Variants in RSBN1L observed in about 807,000 individuals in gnomAD.
The protein encoded by RSBN1L is round spermatid basic protein 1 like, also known as lysine-specific demethylase RSBN1L.
In RSBN1L, 30 loss-of-function variants were observed where a neutral mutation model predicts 67.7. The observed-to-expected ratio is 0.44, with a 90% CI of 0.33 to 0.60. RSBN1L has a LOEUF of 0.60. Ranked by LOEUF, RSBN1L falls within the 20% of genes least tolerant of loss-of-function variation. The pLI, the probability that RSBN1L is intolerant of heterozygous loss-of-function variation, is 0.02. For missense variants in RSBN1L, 992 were observed against 1,031.7 expected, an observed-to-expected ratio of 0.96 and a Z score of 0.53; for synonymous variants, 433 against 387.0, an observed-to-expected ratio of 1.12 and a Z score of -1.39.
rs1791277977 is a variant in RSBN1L, at chr7:77,731,996, C to T, written c.587-4414C>T. On this transcript the variant is annotated intron_variant, in intron 1 of 7. Coordinates refer to ENST00000334955, the MANE Select transcript of RSBN1L (RefSeq NM_198467.3). The stretch of plus-strand genomic sequence containing the variant: ...ATTGATCTGTTTGTGTATTCTTTTG[C>T]CTATAATACATTGTCATGATTTCTC... 2.0e-5 allele frequency among the ~76,000 whole-genome samples: 3 copies of T among 152,000 alleles called. 1 individual carries two copies. In the South Asian group the frequency reaches 6.2e-4, roughly 32 times the overall value.
At chr7:77,719,330 TACA>T (rs1177338425) in intron 1 of RSBN1L, among the ~76,000 whole-genome samples, 1 of 152,344 alleles carries the variant, frequency 6.6e-6, no homozygotes, top group East Asian at 1.9e-4. Context: ...ATATAACAAG[TACA>T]ACGAGAGTCT....
intron 1 of RSBN1L, among the ~76,000 whole-genome samples, chr7:77,715,455 C>T (rs1791034904): frequency 6.6e-6 from 1 of 151,994 alleles, no homozygotes; most frequent in Non-Finnish European, 1.5e-5. Context: ...CAGATGCCCG[C>T]CACCACACTC....
chr7:77,779,647 G>A lies in RSBN1L; in HGVS notation c.*479G>A, dbSNP rs539012258. The A allele has an allele frequency of 7.9e-5, 12 of 151,796 alleles. No individual in the cohort carries two copies. In the South Asian group the frequency reaches 2.5e-3, roughly 32 times the overall value. 9.4% of individuals were successfully genotyped at this position (151,796 alleles called of 1,614,324 possible). A position where few individuals can be genotyped will look rare whatever the true frequency, so the allele number is the denominator to read the frequency against. ...TGAGCCACTTAATAAAGGTTCATAT[G>A]TTCATATTAATAAATATGTTTTCTG... On this transcript the variant is annotated 3_prime_UTR_variant, in exon 8 of 8. Transcript: ENST00000334955.
Position 77,765,557 on chromosome 7 carries a change from G to A in RSBN1L, c.1407G>A (p.Val469=). 2 of 1,611,230 alleles carry A rather than the reference G, an allele frequency of 1.2e-6. No individual in the cohort carries two copies. The highest frequency in any genetic ancestry group is 4.5e-5 in the East Asian group (2 of 44,862). The stretch of plus-strand genomic sequence containing the variant: ...GCCCAATGAGACAAATAAGCTTGGT[G>A]GGAGCAGTTGATGAAGAAGTAGGAG... The part of the protein sequence containing the change: ...RAGPMRQISL[V]GAVDEEVGDY... Residue 469 remains valine (V), a synonymous_variant, in exon 4 of 8, where the codon GTG becomes GTA. Transcript: ENST00000334955.
At chr7:77,776,994 T>G (rs1267948778) in intron 6 of RSBN1L, among the ~76,000 whole-genome samples, 2 of 151,932 alleles carry the variant, frequency 1.3e-5, no homozygotes, top group African/African-American at 4.8e-5. Context: ...TCCCCTTTTC[T>G]TGTCATTTTT....
chr7:77,705,864 A>T (rs2150411998), intron 1 of RSBN1L, among the ~76,000 whole-genome samples: 1 of 152,010 alleles, frequency 6.6e-6, no homozygotes, highest in Admixed American at 6.6e-5. Context: ...CTTTGTGAAT[A>T]TCCAATTCCC....
chr7:77,773,645 C>T (rs1205109140), intron 6 of RSBN1L, among the ~76,000 whole-genome samples: 1 of 152,110 alleles, frequency 6.6e-6, no homozygotes, highest in East Asian at 1.9e-4. Flanking sequence ...CGCCTGTAGT[C>T]CTAGCTATTC....
rs920261749 is a variant in RSBN1L at position 77,780,860 on chromosome 7, C to A, written c.*1692C>A. 28 of 152,320 alleles carry A rather than the reference C, an allele frequency of 1.8e-4. No homozygotes were observed. Among genetic ancestry groups the A allele is most frequent in the African/African-American group, 6.0e-4 (25 of 41,570 alleles). The allele number at this position is 152,320 out of a possible 1,614,324, so 9.4% of individuals were successfully genotyped here. On this transcript the variant is annotated 3_prime_UTR_variant, in exon 8 of 8. Transcript: ENST00000334955. ...GACTCACTATTTGACACTGCTTCTA[C>A]TATTGTAATTAAAAATCAGAAGTCT... is the stretch of plus-strand genomic sequence containing the variant.
At chr7:77,758,021 AGAGT>A in intron 3 of RSBN1L, among the ~76,000 whole-genome samples, 1 of 152,182 alleles carries the variant, frequency 6.6e-6, no homozygotes, top group Admixed American at 6.5e-5. Context: ...CCTGGACGAC[AGAGT>A]GAGACTCCAT....
rs185168444 is a variant in RSBN1L, at chr7:77,781,027, C to A, written c.*1859C>A. 4 of 152,286 alleles carry A rather than the reference C, an allele frequency of 2.6e-5. No homozygotes were observed. The highest frequency in any genetic ancestry group is 9.6e-5 in the African/African-American group (4 of 41,552). The allele number at this position is 152,286 out of a possible 1,614,324, so 9.4% of individuals were successfully genotyped here. A position where few individuals can be genotyped will look rare whatever the true frequency, so the allele number is the denominator to read the frequency against. On this transcript the variant is annotated 3_prime_UTR_variant, in exon 8 of 8. Transcript: ENST00000334955. ...GCCTTTTGGGTTACTGTTGGTATTT[C>A]CATTTCTGGCTTAATTTATGGTAAC...
At chr7:77,729,961 C>G (rs1791253386) in intron 1 of RSBN1L, among the ~76,000 whole-genome samples, 1 of 152,106 alleles carries the variant, frequency 6.6e-6, no homozygotes, top group Non-Finnish European at 1.5e-5. Flanking sequence ...CTCAAAAAAA[C>G]AATTATTTTA....
chr7:77,709,271 A>G (rs1188985660), intron 1 of RSBN1L, among the ~76,000 whole-genome samples: 1 of 151,888 alleles, frequency 6.6e-6, no homozygotes, highest in Non-Finnish European at 1.5e-5. Context: ...TTACAGTGGC[A>G]GATAGCAGTA....
intron 4 of RSBN1L, 136 bp downstream of exon 4, chr7:77,765,768 A>G: frequency 1.5e-6 from 1 of 661,294 alleles, no homozygotes; most frequent in South Asian, 3.0e-5. Context: ...AGAAATAGAA[A>G]CGTTTTGGTT....
At position 77,696,702 on chromosome 7, in the gene RSBN1L, A is replaced by C. The variant is rs755086649; in HGVS notation, c.233A>C (p.Gln78Pro). 6.2e-7 allele frequency: 1 copy of C among 1,613,356 alleles called. No individual in the cohort carries two copies. Among genetic ancestry groups the C allele is most frequent in the Admixed American group, 1.7e-5 (1 of 60,010 alleles). The change falls in exon 1 of 8, where the codon CAG (glutamine) becomes CCG (proline). Residue 78 changes from glutamine to proline, a missense_variant. Coordinates refer to ENST00000334955, the MANE Select transcript of RSBN1L (RefSeq NM_198467.3). ...CAGCCGCCGGCAGCACCTTCGCCTC[A>C]GAGCTATGGCAGCCCCGCGTCTTGG... ...QLQPPAAPSP[Q>P]SYGSPASWSF...
chr7:77,697,193 C>A, intron 1 of RSBN1L, 138 bp downstream of exon 1: 1 of 1,011,762 alleles, frequency 9.9e-7, no homozygotes, highest in African/African-American at 1.7e-5. Flanking sequence ...CGGTTTTCAG[C>A]AGAGGATTTT....
At chr7:77,752,113 G>A (rs747354938) in intron 3 of RSBN1L, among the ~76,000 whole-genome samples, 14 of 152,216 alleles carry the variant, frequency 9.2e-5, no homozygotes, top group Non-Finnish European at 1.8e-4. Flanking sequence ...TGCTGGACTT[G>A]TTAATCATGG....
chr7:77,763,136 A>G (rs555384480), intron 3 of RSBN1L, among the ~76,000 whole-genome samples: 1 of 144,494 alleles, frequency 6.9e-6, no homozygotes, highest in South Asian at 2.2e-4. Context: ...AGGTGGAAAT[A>G]TATATAATTT....
In RSBN1L at chr7:77,736,994, T is replaced by A. The variant is rs12537259; in HGVS notation, c.703+468T>A. Among the ~76,000 whole-genome samples, 941 of 152,334 alleles carry A rather than the reference T, an allele frequency of 6.2e-3. 5 individuals carry two copies. Among genetic ancestry groups the A allele is most frequent in the Middle Eastern group, 0.037 (11 of 294 alleles). ...AGCTAAATCAGAAGCGGTATGTTTC[T>A]TGTATGTTTAAGAATATCCTTGTTT... On this transcript the variant is annotated intron_variant, in intron 2 of 7. Transcript: ENST00000334955.
intron 1 of RSBN1L, among the ~76,000 whole-genome samples, chr7:77,719,683 T>C (rs184078160): frequency 6.6e-6 from 1 of 152,342 alleles, no homozygotes; most frequent in Admixed American, 6.5e-5. Flanking sequence ...TCTGATAGTT[T>C]AGTGAGGAAA....
Sources: gnomAD v4.1 joint callset for allele counts (sites outside exome capture counted in the v4.1 genomes callset) on GRCh38, gnomAD v4.1.1 for gene constraint, MANE v1.5 for transcripts, NCBI Gene and HGNC (gene_info 2026-07-23, HGNC 2026-07-21) for gene names.